The following FPR3 variants were observed in gnomAD, a reference collection of about 807,000 sequenced individuals.
FPR3 encodes the protein formyl peptide receptor 3, also known as N-formyl peptide receptor 3.
For missense variants in FPR3, 346 were observed against 443.2 expected (o/e 0.78, Z 1.97); for synonymous variants, 135 against 163.6 (o/e 0.83, Z 1.34).
At chr19:51,807,943 G>A (rs1446175678) in intron 1 of FPR3, among the ~76,000 whole-genome samples, 1 of 152,242 alleles carries the variant, frequency 6.6e-6, no homozygotes, top group Non-Finnish European at 1.5e-5. Flanking sequence ...TGATTAGATA[G>A]AAAGAACCAT....
intron 1 of FPR3, among the ~76,000 whole-genome samples, chr19:51,809,427 C>T (rs2084082692): frequency 6.6e-6 from 1 of 152,186 alleles, no homozygotes; most frequent in Non-Finnish European, 1.5e-5. Flanking sequence ...GTGTACTACA[C>T]AGGTAGGTCT....
At chr19:51,804,110 C>T (rs542909028) in intron 1 of FPR3, 1 of 152,266 alleles carries the variant, frequency 6.6e-6, no homozygotes, top group South Asian at 2.1e-4. Context: ...CAACATTAAT[C>T]ACCCTTCTTC....
intron 1 of FPR3, among the ~76,000 whole-genome samples, chr19:51,806,022 TG>T (rs1365257918): frequency 6.6e-6 from 1 of 152,220 alleles, no homozygotes; most frequent in East Asian, 1.9e-4. Flanking sequence ...ACAGGTCAAC[TG>T]GGTATTGTTT....
chr19:51,802,048 G>A (rs1257806935), intron 1 of FPR3, among the ~76,000 whole-genome samples: 1 of 152,022 alleles, frequency 6.6e-6, no homozygotes, highest in African/African-American at 2.4e-5. Flanking sequence ...AGGCCCCTTA[G>A]TCCCCCAGTT....
At position 51,813,162 on chromosome 19, in the gene FPR3, C is replaced by CACA. The variant is rs1407461186; in HGVS notation, c.-10-10577_-10-10576insACA. ...CACACACACACACACACACACACAC[C>CACA]CCATAAATTTATTGATCACAGTTCT... On this transcript the variant is annotated intron_variant, in intron 1 of 1. Coordinates refer to ENST00000339223, the MANE Select transcript of FPR3 (RefSeq NM_002030.5). 2.1e-3 allele frequency among the ~76,000 whole-genome samples: 282 copies of CACA among 135,112 alleles called. 1 individual carries two copies. Among genetic ancestry groups the CACA allele is most frequent in the Middle Eastern group, 0.014 (4 of 284 alleles). 88.6% of individuals were successfully genotyped at this position (135,112 alleles called of 152,430 possible). A position where few individuals can be genotyped will look rare whatever the true frequency, so the allele number is the denominator to read the frequency against.
Position 51,824,608 on chromosome 19 carries a change from C to A in FPR3, c.860C>A (p.Thr287Lys). 6.2e-7 allele frequency: 1 copy of A among 1,614,182 alleles called. No homozygotes were observed. The highest frequency in any genetic ancestry group is 8.5e-7 in the Non-Finnish European group (1 of 1,180,020). The change falls in exon 2 of 2, where the codon ACA becomes AAA. Residue 287 changes from threonine (T) to lysine (K), a missense_variant. Physicochemically the swap from Thr to Lys is moderately conservative, Grantham distance 78. Transcript: ENST00000339223. This position sits in a 1 kb window ranked among gnomAD's most constrained non-coding sequence, Gnocchi z 4.7. Reference sequence around the variant, plus strand: ...ATCATTCTTGTCCTGATTAACCCAACAAGCTCCTTGGCCTTTTTTAACAGC... The same window carrying A: ...ATCATTCTTGTCCTGATTAACCCAAAAAGCTCCTTGGCCTTTTTTAACAGC... ...YKIILVLINP[T>K]SSLAFFNSCL...
chr19:51,822,003 T>G (rs2084193555), intron 1 of FPR3, among the ~76,000 whole-genome samples: 1 of 152,096 alleles, frequency 6.6e-6, no homozygotes. Flanking sequence ...TAGAGTTGGG[T>G]TCATGAATAT....
chr19:51,798,006 AG>A (rs2084010007), intron 1 of FPR3, among the ~76,000 whole-genome samples: 1 of 146,176 alleles, frequency 6.8e-6, no homozygotes, highest in Non-Finnish European at 1.5e-5. Context: ...CTCAGCCTCC[AG>A]TCCATGTCTA....
At chr19:51,795,500 C>CTTTTT (rs1568425551) in intron 1 of FPR3, among the ~76,000 whole-genome samples, 169 bp downstream of exon 1, 2 of 61,084 alleles carry the variant, frequency 3.3e-5, no homozygotes, top group South Asian at 7.8e-4. Flanking sequence ...GTTCCAGTAA[C>CTTTTT]ATTCTTTTTT....
chr19:51,797,510 C>T (rs2084007048), intron 1 of FPR3, among the ~76,000 whole-genome samples: 1 of 152,122 alleles, frequency 6.6e-6, no homozygotes, highest in Non-Finnish European at 1.5e-5. Context: ...TTTTATCCCT[C>T]ACCACATCCC....
At chr19:51,799,473 G>T (rs536370093) in intron 1 of FPR3, among the ~76,000 whole-genome samples, 2 of 152,166 alleles carry the variant, frequency 1.3e-5, no homozygotes, top group Non-Finnish European at 2.9e-5. Flanking sequence ...TAGCAGGCAG[G>T]CTTTTGGCTG....
chr19:51,804,930 G>A (rs984025637), intron 1 of FPR3: 4 of 152,282 alleles, frequency 2.6e-5, no homozygotes, highest in Admixed American at 1.3e-4. Flanking sequence ...GGAAGAAGAG[G>A]TCAGTTGGTT....
At chr19:51,799,303 C>T (rs1280134086) in intron 1 of FPR3, among the ~76,000 whole-genome samples, 1 of 152,150 alleles carries the variant, frequency 6.6e-6, no homozygotes, top group Non-Finnish European at 1.5e-5. Flanking sequence ...GAAGCCGCAC[C>T]CACAATCCAA....
intron 1 of FPR3, among the ~76,000 whole-genome samples, chr19:51,808,263 T>C (rs1261452145): frequency 6.6e-6 from 1 of 152,232 alleles, no homozygotes; most frequent in Non-Finnish European, 1.5e-5. Context: ...CTATAACCTG[T>C]CTTTATGGAG....
rs1461505053 is a variant in FPR3 at position 51,823,827 on chromosome 19, A to T, written c.79A>T (p.Ile27Phe). The T allele has an allele frequency of 4.3e-6, 7 of 1,613,774 alleles. No homozygotes were observed. The African/African-American group carries it at 9.4e-5, about 22-fold the overall frequency. Residue 27 changes from isoleucine (I) to phenylalanine (F), a missense_variant, in exon 2 of 2, where the codon ATC becomes TTC. Ile to Phe is a conservative substitution (Grantham distance 21). Coordinates refer to ENST00000339223, the MANE Select transcript of FPR3 (RefSeq NM_002030.5). ...GCCTGCTGGCCACACCGTTCTGTGGATCTTCTCATTGCTAGTCCACGGAGT... is the reference window on the plus strand; with the variant it reads ...GCCTGCTGGCCACACCGTTCTGTGGTTCTTCTCATTGCTAGTCCACGGAGT... ...PEPAGHTVLW[I>F]FSLLVHGVTF...
At chr19:51,811,264 T>C (rs1387663893) in intron 1 of FPR3, among the ~76,000 whole-genome samples, 6 of 150,184 alleles carry the variant, frequency 4.0e-5, no homozygotes, top group Non-Finnish European at 7.4e-5. Context: ...GTGGAAACCA[T>C]GGGTTATGTG....
At chr19:51,823,376 G>A (rs186021836) in intron 1 of FPR3, among the ~76,000 whole-genome samples, 123 of 152,260 alleles carry the variant, frequency 8.1e-4, no homozygotes, top group African/African-American at 2.8e-3. Flanking sequence ...AGTGATGGAG[G>A]CCACAGATGT....
At chr19:51,803,357 G>A (rs1425169541) in intron 1 of FPR3, among the ~76,000 whole-genome samples, 1 of 151,988 alleles carries the variant, frequency 6.6e-6, no homozygotes, top group Non-Finnish European at 1.5e-5. Flanking sequence ...CCTTTACCTT[G>A]CTTTCTCCAC....
intron 1 of FPR3, chr19:51,811,381 C>T (rs1412383840): frequency 2.0e-5 from 3 of 152,148 alleles, no homozygotes; most frequent in Admixed American, 1.3e-4. Context: ...TTTCAGTAGA[C>T]GAATTCTGCC....
Sources: gnomAD v4.1 joint callset for allele counts (sites outside exome capture counted in the v4.1 genomes callset) on GRCh38, gnomAD v4.1.1 for gene constraint, Gnocchi (gnomAD v3.1) non-coding constraint, MANE v1.5 for transcripts, NCBI Gene and HGNC (gene_info 2026-07-23, HGNC 2026-07-21) for gene names.